Variants in SNRPN observed in about 807,000 individuals in gnomAD.
SNRPN encodes the protein small nuclear ribonucleoprotein polypeptide N, also known as small nuclear ribonucleoprotein-associated protein N.
A neutral mutation model predicts 25.2 loss-of-function variants in SNRPN; 7 were observed. The observed-to-expected ratio is 0.28, with a 90% CI of 0.16 to 0.52. The LOEUF (loss-of-function observed/expected upper bound fraction) is 0.52. Among genes scored for constraint, SNRPN ranks in the 20% least tolerant of loss-of-function variants. SNRPN has a pLI of 0.96. For missense variants in SNRPN, 196 were observed against 322.5 expected, an observed-to-expected ratio of 0.61 and a Z score of 3.00; for synonymous variants, 124 against 110.6, an observed-to-expected ratio of 1.12 and a Z score of -0.76.
intron 2 of SNRPN, among the ~76,000 whole-genome samples, chr15:24,837,412 G>A (rs770475077): frequency 4.6e-5 from 7 of 150,792 alleles, no homozygotes; most frequent in Non-Finnish European, 1.0e-4. Context: ...GTGTAGCCCA[G>A]GCTGGAGTGC....
At position 24,862,578 on chromosome 15, in the gene SNRPN, T is replaced by C. The variant is rs1444689663; in HGVS notation, c.-579+5862T>C. On this transcript the variant is annotated intron_variant, in intron 1 of 11. Coordinates refer to the SNRPN transcript ENST00000400097. ...ACAAAATCTTCTGTGTTGCTGTTTG[T>C]CCACTGCATGTGTGGGGCTCACAGG... 3.3e-5 allele frequency among the ~76,000 whole-genome samples: 5 copies of C among 151,200 alleles called. 1 individual carries two copies. The highest frequency in any genetic ancestry group is 1.2e-4 in the African/African-American group (5 of 40,550).
chr15:24,827,854 G>A (rs1339236050), intron 1 of SNRPN, among the ~76,000 whole-genome samples: 6 of 131,284 alleles, frequency 4.6e-5, no homozygotes, highest in Non-Finnish European at 6.5e-5. Flanking sequence ...GTGACAAAGC[G>A]AGACTCCATC....
intron 1 of SNRPN, among the ~76,000 whole-genome samples, chr15:24,881,928 G>A (rs902276086): frequency 8.5e-5 from 13 of 152,198 alleles, no homozygotes; most frequent in African/African-American, 3.1e-4. Context: ...AGCGCTAGAG[G>A]CGGAACAAGA....
intron 2 of SNRPN, chr15:24,966,961 T>C (rs1035301352): frequency 2.0e-5 from 3 of 152,160 alleles, no homozygotes; most frequent in African/African-American, 4.8e-5. Context: ...AATTCCCTGC[T>C]TACCAGTAGA....
intron 2 of SNRPN, chr15:24,909,845 C>T (rs897999141): frequency 4.1e-5 from 39 of 954,442 alleles, no homozygotes; most frequent in Admixed American, 1.4e-4. Flanking sequence ...CAGAGACCCG[C>T]GTCCACAGCT....
chr15:24,961,160 T>A (rs569883287), intron 1 of SNRPN, among the ~76,000 whole-genome samples: 1 of 152,314 alleles, frequency 6.6e-6, no homozygotes, highest in South Asian at 2.1e-4. Context: ...TCAAAAGTAA[T>A]AAACATTATC....
intron 1 of SNRPN, among the ~76,000 whole-genome samples, chr15:24,885,696 T>A (rs1467490422): frequency 6.8e-6 from 1 of 147,716 alleles, no homozygotes; most frequent in African/African-American, 2.6e-5. Flanking sequence ...ACGAAGGATT[T>A]TCCAGGAAGG....
intron 1 of SNRPN, among the ~76,000 whole-genome samples, chr15:24,856,909 CAGTT>C (rs1333736566): frequency 6.6e-6 from 1 of 152,050 alleles, no homozygotes; most frequent in Non-Finnish European, 1.5e-5. Flanking sequence ...AATATCTTGT[CAGTT>C]ATTTTCATCT....
intron 3 of SNRPN, 41 bp from the exon 4 acceptor site, chr15:24,974,270 T>C (rs2076809595): frequency 3.3e-6 from 2 of 610,734 alleles, no homozygotes; most frequent in East Asian, 2.8e-5. Flanking sequence ...TTTTAAAACA[T>C]GGTAGATTGC....
chr15:24,827,331 G>A lies in SNRPN; in HGVS notation c.-686-2467G>A, dbSNP rs193255542. On this transcript the variant is annotated intron_variant, in intron 1 of 12. Coordinates refer to the SNRPN transcript ENST00000400100. ...AGATTGAGACCATCCTGGCTAACAC[G>A]GTGAAACACCGTCTCTACTAAAAAT... Among the ~76,000 whole-genome samples the A allele has an allele frequency of 4.1e-4, 62 of 151,428 alleles. No homozygotes were observed. The Middle Eastern group carries it at 0.02, about 50-fold the overall frequency.
At chr15:24,881,584 G>GGAGA (rs1157961647) in intron 1 of SNRPN, among the ~76,000 whole-genome samples, 79 of 57,560 alleles carry the variant, frequency 1.4e-3, no homozygotes, top group East Asian at 4.5e-3. Context: ...AGGGAGGGAG[G>GGAGA]GAGAGAGAGA....
chr15:24,968,256 C>A (rs552367197), intron 3 of SNRPN, 174 bp downstream of exon 3: 1 of 518,110 alleles, frequency 1.9e-6, no homozygotes, highest in East Asian at 3.4e-5. Flanking sequence ...TGCCCTGACA[C>A]TTTCGTCATG....
chr15:24,851,917 C>T (rs566239803), upstream of SNRPN: 7 of 152,268 alleles, frequency 4.6e-5, no homozygotes, highest in Admixed American at 3.3e-4. Flanking sequence ...CCTTTCCCCT[C>T]GGTTATTTTG....
rs1406705863 is a variant in SNRPN at position 24,872,533 on chromosome 15, G to A, written c.-578-13983G>A. On this transcript the variant is annotated intron_variant, in intron 1 of 11. Transcript: ENST00000400097. The stretch of plus-strand genomic sequence containing the variant: ...GGCCAAGGCGGGCGGATCACCTGAG[G>A]TTGGGAGTTCGAGACCAGCCTGACC... Among the ~76,000 whole-genome samples, 10 of 107,812 alleles carry A rather than the reference G, an allele frequency of 9.3e-5. 3 individuals are homozygous for A. Among genetic ancestry groups the A allele is most frequent in the Non-Finnish European group, 1.4e-4 (7 of 51,090 alleles). The allele number at this position is 107,812 out of a possible 152,430, so 70.7% of individuals were successfully genotyped here.
chr15:24,924,644 G>A (rs1200515835), intron 3 of SNRPN, among the ~76,000 whole-genome samples: 1 of 151,320 alleles, frequency 6.6e-6, no homozygotes, highest in African/African-American at 2.4e-5. Context: ...CATCATGCCC[G>A]GCTACTTTTT....
chr15:24,971,512 A>G (rs2076401025), intron 3 of SNRPN, among the ~76,000 whole-genome samples: 1 of 151,902 alleles, frequency 6.6e-6, no homozygotes, highest in South Asian at 2.1e-4. Context: ...TATCTCTTCT[A>G]GCTATACAGG....
At chr15:24,878,402 C>T (rs80218938) in intron 1 of SNRPN, among the ~76,000 whole-genome samples, 6,069 of 152,292 alleles carry the variant, frequency 0.04, 198 homozygotes, top group Non-Finnish European at 0.056. Context: ...AACGGCAGCC[C>T]GCAGGGGCCG....
At chr15:24,835,241 CAT>C (rs1343129128) in intron 2 of SNRPN, among the ~76,000 whole-genome samples, 2 of 149,610 alleles carry the variant, frequency 1.3e-5, no homozygotes, top group East Asian at 3.9e-4. Context: ...ATACAAGTAA[CAT>C]ATATAGGCAT....
chr15:24,978,297 C>T lies in SNRPN; in HGVS notation c.664C>T (p.Pro222Ser), dbSNP rs780336659. Residue 222 changes from proline (P) to serine (S), a missense_variant, in exon 9 of 10, where the codon CCC (proline) becomes TCC (serine). By Grantham distance (74) the Pro-to-Ser change is moderately conservative. Coordinates refer to ENST00000390687, the MANE Select transcript of SNRPN (RefSeq NM_003097.6). ...AGGCATGCCGCCTCCGGGAATGAGA[C>T]CCCCTCCACCAGGCATTAGAGGTGA... Reference protein sequence around the residue: ...PIGMPPPGMRPPPPGIRGPPP... With the variant: ...PIGMPPPGMRSPPPGIRGPPP... 1 of 1,614,116 alleles carries T rather than the reference C, an allele frequency of 6.2e-7. No individual in the cohort carries two copies. The highest frequency in any genetic ancestry group is 8.5e-7 in the Non-Finnish European group (1 of 1,179,990).
Sources: gnomAD v4.1 joint callset for allele counts (sites outside exome capture counted in the v4.1 genomes callset) on GRCh38, gnomAD v4.1.1 for gene constraint, MANE v1.5 for transcripts, NCBI Gene and HGNC (gene_info 2026-07-23, HGNC 2026-07-21) for gene names.